The following KIF16B variants were observed in gnomAD, a reference collection of about 807,000 sequenced individuals.
KIF16B encodes kinesin family member 16B.
Under a neutral mutation model 156.3 loss-of-function variants are expected in KIF16B, and 98 were observed. The ratio of observed to expected loss-of-function variants is 0.63; its 90% CI spans 0.53 to 0.74. The LOEUF (loss-of-function observed/expected upper bound fraction) is 0.74. Ranked by LOEUF, KIF16B falls within the 30% of genes least tolerant of loss-of-function variation. The probability of loss-of-function intolerance (pLI) is 0.00; values close to 1 mark genes in which losing one functional copy is unlikely to be tolerated. For missense variants in KIF16B, 1,421 were observed against 1,606.5 expected, an observed-to-expected ratio of 0.88 and a Z score of 1.97; for synonymous variants, 564 against 583.7, an observed-to-expected ratio of 0.97 and a Z score of 0.49.
chr20:16,485,746 T>C (rs2146872684), intron 12 of KIF16B, among the ~76,000 whole-genome samples: 1 of 152,354 alleles, frequency 6.6e-6, no homozygotes, highest in East Asian at 1.9e-4. Flanking sequence ...TCATGGACTT[T>C]ATATCCTAAT....
chr20:16,477,558 A>G (rs1741216618), intron 12 of KIF16B, among the ~76,000 whole-genome samples: 2 of 152,162 alleles, frequency 1.3e-5, no homozygotes, highest in Admixed American at 1.3e-4. Flanking sequence ...TCTCTTAATA[A>G]AGACGTTCAG....
chr20:16,478,135 A>G (rs997949701), intron 12 of KIF16B, among the ~76,000 whole-genome samples: 57 of 152,316 alleles, frequency 3.7e-4, no homozygotes, highest in African/African-American at 1.3e-3. Context: ...TGAGGATATT[A>G]AATACTGGGA....
rs149972568 is a variant in KIF16B at position 16,568,857 on chromosome 20, T to G, written c.47+4372A>C. Among the ~76,000 whole-genome samples, 527 of 127,850 alleles carry G rather than the reference T, an allele frequency of 4.1e-3. 11 individuals carry two copies. Among genetic ancestry groups the G allele is most frequent in the African/African-American group, 0.015 (502 of 34,492 alleles). The allele number at this position is 127,850 out of a possible 152,430, so 83.9% of individuals were successfully genotyped here. A position where few individuals can be genotyped will look rare whatever the true frequency, so the allele number is the denominator to read the frequency against. On this transcript the variant is annotated intron_variant, in intron 1 of 25. Transcript: ENST00000354981. ...AAAAAAAAAAAAAAAAAAAAAGGCA[T>G]AGCTGTGACTGTCTTAAGAAACTGA...
At chr20:16,465,616 A>G (rs2067469391) in intron 12 of KIF16B, among the ~76,000 whole-genome samples, 1 of 152,248 alleles carries the variant, frequency 6.6e-6, no homozygotes, top group Non-Finnish European at 1.5e-5. Flanking sequence ...TAAATGTAAA[A>G]GAAAAAATCA....
intron 1 of KIF16B, among the ~76,000 whole-genome samples, chr20:16,559,001 T>C (rs2070959232): frequency 6.7e-6 from 1 of 148,408 alleles, no homozygotes; most frequent in Admixed American, 6.8e-5. Context: ...AAGATGAAAA[T>C]ATATTTATTT....
intron 25 of KIF16B, among the ~76,000 whole-genome samples, chr20:16,304,791 T>G (rs923518901): frequency 1.1e-4 from 16 of 152,202 alleles, no homozygotes; most frequent in Non-Finnish European, 2.4e-4. Context: ...ATATTTACTT[T>G]GAAACCAAAA....
At chr20:16,437,984 A>AT (rs1202092306) in intron 12 of KIF16B, among the ~76,000 whole-genome samples, 16 of 123,966 alleles carry the variant, frequency 1.3e-4, no homozygotes, top group African/African-American at 4.6e-4. Context: ...AATAAAAAAA[A>AT]ATAATAAAAA....
chr20:16,338,693 CT>C (rs1568863557), intron 23 of KIF16B, among the ~76,000 whole-genome samples: 1 of 152,302 alleles, frequency 6.6e-6, no homozygotes, highest in East Asian at 1.9e-4. Context: ...CTGCCTGCAC[CT>C]GCCCAGCAGA....
chr20:16,368,487 C>G lies in KIF16B; in HGVS notation c.3498+2099G>C, dbSNP rs186756311. On this transcript the variant is annotated intron_variant, in intron 22 of 25. Coordinates refer to ENST00000354981, the MANE Select transcript of KIF16B (RefSeq NM_024704.5). Reference sequence around the variant, plus strand: ...TTGTTACCTGGGAGGGGAGCCCCCTCGGGGCACACAGATTCCCCACAAGCC... The same window carrying G: ...TTGTTACCTGGGAGGGGAGCCCCCTGGGGGCACACAGATTCCCCACAAGCC... The G allele has an allele frequency of 3.3e-5, 33 of 986,298 alleles. No individual in the cohort carries two copies. In the East Asian group the frequency reaches 2.5e-3, roughly 75 times the overall value. The allele number at this position is 986,298 out of a possible 1,614,324, so 61.1% of individuals were successfully genotyped here.
chr20:16,400,519 C>T (rs916300143), intron 17 of KIF16B, among the ~76,000 whole-genome samples: 15 of 152,306 alleles, frequency 9.8e-5, no homozygotes, highest in African/African-American at 3.6e-4. Context: ...TACATACTCA[C>T]AAGAGTTGAA....
At chr20:16,416,482 A>G (rs922159485) in intron 15 of KIF16B, among the ~76,000 whole-genome samples, 26 of 152,074 alleles carry the variant, frequency 1.7e-4, no homozygotes, top group African/African-American at 6.0e-4. Flanking sequence ...GGAACAGAAA[A>G]CCAAACACCA....
chr20:16,546,744 CA>C (rs2070420968), intron 1 of KIF16B, among the ~76,000 whole-genome samples: 1 of 152,100 alleles, frequency 6.6e-6, no homozygotes, highest in Non-Finnish European at 1.5e-5. Context: ...AACAGAAACA[CA>C]AAAATTCTTT....
chr20:16,569,257 C>A (rs2071372963), intron 1 of KIF16B, among the ~76,000 whole-genome samples: 1 of 152,160 alleles, frequency 6.6e-6, no homozygotes, highest in African/African-American at 2.4e-5. Context: ...GCAGTCCAAA[C>A]ACACTAAGAA....
At chr20:16,387,556 G>C (rs906547095) in intron 17 of KIF16B, among the ~76,000 whole-genome samples, 8 of 152,170 alleles carry the variant, frequency 5.3e-5, no homozygotes, top group African/African-American at 1.9e-4. Flanking sequence ...CTGAAGAAGG[G>C]AGTGCTATTT....
chr20:16,556,092 A>T (rs1224494281), intron 1 of KIF16B, among the ~76,000 whole-genome samples: 3 of 152,144 alleles, frequency 2.0e-5, no homozygotes, highest in Non-Finnish European at 1.5e-5. Flanking sequence ...CACTGATAAC[A>T]TCAGCCCCCA....
At chr20:16,480,500 T>C (rs181105357) in intron 12 of KIF16B, among the ~76,000 whole-genome samples, 24 of 152,318 alleles carry the variant, frequency 1.6e-4, no homozygotes, top group African/African-American at 5.1e-4. Context: ...TAAACAAGAC[T>C]TAAATAATGA....
chr20:16,324,661 T>G (rs1568850700), intron 24 of KIF16B, among the ~76,000 whole-genome samples: 1 of 152,040 alleles, frequency 6.6e-6, no homozygotes, highest in Admixed American at 6.6e-5. Flanking sequence ...AATCATCTTT[T>G]AGATCTGGTG....
At chr20:16,523,222 A>T (rs2069414275) in intron 3 of KIF16B, among the ~76,000 whole-genome samples, 1 of 152,174 alleles carries the variant, frequency 6.6e-6, no homozygotes, top group South Asian at 2.1e-4. Context: ...GGGTATTCGA[A>T]TAAGAAGAGA....
intron 15 of KIF16B, among the ~76,000 whole-genome samples, chr20:16,418,496 C>A (rs1170895319): frequency 6.6e-6 from 1 of 152,154 alleles, no homozygotes; most frequent in Non-Finnish European, 1.5e-5. Context: ...ATTGGAAAGA[C>A]TTGTTTCACT....
Sources: allele counts gnomAD v4.1 joint callset (sites outside exome capture counted in the v4.1 genomes callset), GRCh38; gene constraint gnomAD v4.1.1; transcripts MANE v1.5; gene names NCBI Gene and HGNC (gene_info 2026-07-23, HGNC 2026-07-21).